The following IL17RD variants were observed in gnomAD, a reference collection of about 807,000 sequenced individuals.
The protein encoded by IL17RD is interleukin 17 receptor D.
IL17RD carries 52 observed loss-of-function variants against 80.5 expected under a neutral mutation model. The ratio of observed to expected loss-of-function variants is 0.65; its 90% CI spans 0.52 to 0.81. IL17RD has a LOEUF of 0.81. Among genes scored for constraint, IL17RD ranks in the 40% least tolerant of loss-of-function variants. The pLI is 0.00. For synonymous variants in IL17RD, 416 were observed against 391.8 expected, an observed-to-expected ratio of 1.06 and a Z score of -0.73; for missense variants, 1,024 against 955.1, an observed-to-expected ratio of 1.07 and a Z score of -0.95.
At chr3:57,126,572 A>G (rs1707463383) in intron 1 of IL17RD, among the ~76,000 whole-genome samples, 1 of 152,210 alleles carries the variant, frequency 6.6e-6, no homozygotes. Flanking sequence ...CAACTTCCTG[A>G]GGGGCCTTTG....
intron 1 of IL17RD, among the ~76,000 whole-genome samples, chr3:57,153,004 C>T (rs2060239701): frequency 6.6e-6 from 1 of 152,184 alleles, no homozygotes; most frequent in South Asian, 2.1e-4. Context: ...TCTATAACTG[C>T]AACAAGCCCA....
At chr3:57,119,351 C>T (rs1319650714) in intron 2 of IL17RD, among the ~76,000 whole-genome samples, 1 of 122,542 alleles carries the variant, frequency 8.2e-6, no homozygotes, top group East Asian at 2.1e-4. Flanking sequence ...GACTCCATCT[C>T]AAAAAAAACA....
chr3:57,127,714 C>A (rs1243719598), intron 1 of IL17RD, among the ~76,000 whole-genome samples: 5 of 152,092 alleles, frequency 3.3e-5, no homozygotes, highest in Non-Finnish European at 7.4e-5. Context: ...GCCATACTTT[C>A]TGTTTTTCTA....
chr3:57,121,233 T>C (rs1707331039), intron 1 of IL17RD, among the ~76,000 whole-genome samples: 1 of 152,210 alleles, frequency 6.6e-6, no homozygotes, highest in Non-Finnish European at 1.5e-5. Flanking sequence ...AAGAAGGATG[T>C]TGGAGGGAAC....
intron 7 of IL17RD, among the ~76,000 whole-genome samples, chr3:57,105,305 A>T (rs577955179): frequency 6.6e-6 from 1 of 152,130 alleles, no homozygotes; most frequent in South Asian, 2.1e-4. Context: ...TGGGAGGCCA[A>T]GGTGGGTAGA....
intron 3 of IL17RD, among the ~76,000 whole-genome samples, chr3:57,114,477 C>A (rs1030841872): frequency 7.9e-5 from 12 of 152,174 alleles, no homozygotes; most frequent in African/African-American, 2.9e-4. Context: ...ATGTGAATAA[C>A]AATAACAGTA....
chr3:57,131,581 C>T (rs1477746385), intron 1 of IL17RD, among the ~76,000 whole-genome samples: 2 of 152,144 alleles, frequency 1.3e-5, no homozygotes, highest in African/African-American at 2.4e-5. Flanking sequence ...GATCTGAAAA[C>T]GGGGTGAGTG....
intron 1 of IL17RD, among the ~76,000 whole-genome samples, chr3:57,163,134 C>T (rs2060317087): frequency 6.6e-6 from 1 of 152,112 alleles, no homozygotes; most frequent in Non-Finnish European, 1.5e-5. Flanking sequence ...CACCAAGCAG[C>T]AAATCCAGGA....
chr3:57,159,118 C>A (rs187872623), intron 1 of IL17RD, among the ~76,000 whole-genome samples: 2 of 145,870 alleles, frequency 1.4e-5, no homozygotes, highest in South Asian at 4.5e-4. Context: ...ATGTCGATAT[C>A]TCTTCTTTTT....
upstream of IL17RD, among the ~76,000 whole-genome samples, chr3:57,167,034 T>C (rs1014003904): frequency 1.3e-5 from 2 of 152,136 alleles, no homozygotes; most frequent in African/African-American, 4.8e-5. Context: ...AGTAGCTACA[T>C]CTAGAACCAA....
chr3:57,145,141 T>C (rs774106619), intron 1 of IL17RD, among the ~76,000 whole-genome samples: 2 of 152,168 alleles, frequency 1.3e-5, no homozygotes, highest in African/African-American at 2.4e-5. Context: ...ACCCAGACAG[T>C]TGCTGACAGA....
intron 1 of IL17RD, among the ~76,000 whole-genome samples, chr3:57,159,118 CTCT>C (rs1400815533): frequency 2.1e-5 from 3 of 145,774 alleles, no homozygotes; most frequent in Non-Finnish European, 4.4e-5. Flanking sequence ...ATGTCGATAT[CTCT>C]TCTTTTTTTT....
At chr3:57,142,138 C>T (rs1191442075) in intron 1 of IL17RD, among the ~76,000 whole-genome samples, 1 of 152,202 alleles carries the variant, frequency 6.6e-6, no homozygotes, top group African/African-American at 2.4e-5. Flanking sequence ...TCAAGAGAGG[C>T]ATAAAGGGCA....
intron 1 of IL17RD, among the ~76,000 whole-genome samples, chr3:57,140,321 AT>A (rs571983696): frequency 3.1e-3 from 466 of 152,176 alleles, no homozygotes; most frequent in Non-Finnish European, 4.5e-3. Context: ...AAATCAGGTC[AT>A]TTTTTTTAAC....
At chr3:57,140,337 T>C (rs1392415365) in intron 1 of IL17RD, among the ~76,000 whole-genome samples, 1 of 152,202 alleles carries the variant, frequency 6.6e-6, no homozygotes, top group Admixed American at 6.5e-5. Flanking sequence ...TTTAACCAGA[T>C]ACTCCTAACC....
chr3:57,116,435 C>T (rs1232607926), intron 2 of IL17RD, among the ~76,000 whole-genome samples: 1 of 137,302 alleles, frequency 7.3e-6, no homozygotes, highest in Non-Finnish European at 1.6e-5. Context: ...AGGCATGCGC[C>T]ACCACACCCG....
intron 1 of IL17RD, among the ~76,000 whole-genome samples, chr3:57,155,677 G>A (rs1436301414): frequency 1.3e-5 from 2 of 151,994 alleles, no homozygotes; most frequent in Admixed American, 6.6e-5. Context: ...TGCAACCTCC[G>A]CCTCCTGGGT....
In IL17RD at chr3:57,165,212, C is replaced by G. The variant is rs1199929133; in HGVS notation, c.75G>C (p.Val25=). 4 of 1,531,232 alleles carry G rather than the reference C, an allele frequency of 2.6e-6. No individual in the cohort carries two copies. In the South Asian group the frequency reaches 4.9e-5, roughly 19 times the overall value. The allele number at this position is 1,531,232 out of a possible 1,614,324, so 94.9% of individuals were successfully genotyped here. A position where few individuals can be genotyped will look rare whatever the true frequency, so the allele number is the denominator to read the frequency against. Residue 25 remains valine, a synonymous_variant, in exon 1 of 13, where the codon GTG becomes GTC. Coordinates refer to ENST00000296318, the MANE Select transcript of IL17RD (RefSeq NM_017563.5). Reference sequence around the variant, plus strand: ...GCGCGCGGCCGGACCCGCCAGCGGCCACAGCCAGCTGCGAGCCGTTGAGGC... The same window carrying G: ...GCGCGCGGCCGGACCCGCCAGCGGCGACAGCCAGCTGCGAGCCGTTGAGGC... ...NACLNGSQLA[V]AAGGSGRARG... is the part of the protein sequence containing the mutation.
intron 3 of IL17RD, among the ~76,000 whole-genome samples, chr3:57,111,680 C>G (rs1050287273): frequency 6.6e-6 from 1 of 152,048 alleles, no homozygotes; most frequent in Non-Finnish European, 1.5e-5. Context: ...CATAAAAATT[C>G]ATCGTTGGGG....
Sources: allele counts gnomAD v4.1 joint callset (sites outside exome capture counted in the v4.1 genomes callset), GRCh38; gene constraint gnomAD v4.1.1; transcripts MANE v1.5; gene names NCBI Gene and HGNC (gene_info 2026-07-23, HGNC 2026-07-21).